The following OLFML2B variants were observed in gnomAD, a reference collection of about 807,000 sequenced individuals.
The protein encoded by OLFML2B is olfactomedin-like protein 2B.
A neutral mutation model predicts 74.9 loss-of-function variants in OLFML2B; 57 were observed. That is an observed-to-expected ratio of 0.76 (90% CI 0.61 to 0.95). The LOEUF is 0.95. Ranked by LOEUF, OLFML2B falls within the 40% of genes least tolerant of loss-of-function variation. OLFML2B has a pLI of 0.00. For synonymous variants in OLFML2B, 388 were observed against 405.8 expected, an observed-to-expected ratio of 0.96 and a Z score of 0.53; for missense variants, 986 against 970.6, an observed-to-expected ratio of 1.02 and a Z score of -0.21.
At chr1:161,994,547 C>T (rs865970895) in intron 6 of OLFML2B, among the ~76,000 whole-genome samples, 1 of 152,208 alleles carries the variant, frequency 6.6e-6, no homozygotes, top group South Asian at 2.1e-4. Flanking sequence ...ATTGTAGTTG[C>T]TAAAGTCTGG....
intron 3 of OLFML2B, among the ~76,000 whole-genome samples, chr1:162,008,681 C>A (rs1175491171): frequency 6.6e-6 from 1 of 152,222 alleles, no homozygotes; most frequent in Non-Finnish European, 1.5e-5. Flanking sequence ...CTTGTTAAAA[C>A]TGCAGATTCC....
chr1:161,984,315 T>C (rs530834345), intron 7 of OLFML2B, 39 bp from the exon 8 acceptor site: 1 of 1,511,274 alleles, frequency 6.6e-7, no homozygotes, highest in African/African-American at 1.4e-5. Flanking sequence ...CAGAGTGGCA[T>C]GGCAGAGGGT....
intron 7 of OLFML2B, among the ~76,000 whole-genome samples, chr1:161,984,595 A>G (rs56084426): frequency 0.21 from 31,652 of 151,988 alleles, 3,496 homozygotes; most frequent in African/African-American, 0.24. Flanking sequence ...TCCATGTCCC[A>G]GGAGCTCAGG....
intron 3 of OLFML2B, 150 bp from the exon 4 acceptor site, chr1:162,006,623 C>T: frequency 1.7e-6 from 1 of 594,038 alleles, no homozygotes; most frequent in Non-Finnish European, 2.8e-6. Flanking sequence ...GTGTGCCCAG[C>T]CCTGGGCTGA....
At chr1:161,987,656 G>C (rs1274780107) in intron 6 of OLFML2B, among the ~76,000 whole-genome samples, 3 of 152,222 alleles carry the variant, frequency 2.0e-5, no homozygotes, top group Non-Finnish European at 2.9e-5. Flanking sequence ...AGAACTGTTA[G>C]AGAGTACATT....
intron 3 of OLFML2B, among the ~76,000 whole-genome samples, chr1:162,009,665 T>TA (rs1481512739): frequency 6.6e-6 from 1 of 152,172 alleles, no homozygotes. Flanking sequence ...GCCGCCTGAA[T>TA]AAACAAGAGG....
intron 1 of OLFML2B, among the ~76,000 whole-genome samples, chr1:162,022,174 A>G (rs1690720680): frequency 6.6e-6 from 1 of 151,762 alleles, no homozygotes; most frequent in Non-Finnish European, 1.5e-5. Context: ...TCCAGAGAGA[A>G]CTACCCCTTA....
chr1:161,998,239 G>C lies in OLFML2B; in HGVS notation c.1060C>G (p.Gln354Glu). ...CTTGTCACAGCAGTGCTGTGTCCCT[G>C]ACGGGTGGCTGCAGGCCTCCGGGTG... ...SVTRRPAATRQGHSTAVTSDL... is the reference protein window; with the variant it reads ...SVTRRPAATREGHSTAVTSDL... The change falls in exon 6 of 8, where the codon CAG (glutamine) becomes GAG (glutamate). Residue 354 changes from glutamine (Q) to glutamate (E), a missense_variant. Gln to Glu is a conservative substitution (Grantham distance 29). Transcript: ENST00000294794. 10 of 1,612,428 alleles carry C rather than the reference G, an allele frequency of 6.2e-6. No homozygotes were observed. The highest frequency in any genetic ancestry group is 8.5e-6 in the Non-Finnish European group (10 of 1,178,646).
intron 3 of OLFML2B, 49 bp downstream of exon 3, chr1:162,017,351 C>G (rs78719065): frequency 1.4e-6 from 2 of 1,428,904 alleles, no homozygotes; most frequent in East Asian, 4.6e-5. Flanking sequence ...GTTTGATATG[C>G]TTTTGGGCTC....
chr1:162,002,961 A>G (rs1049710656), intron 4 of OLFML2B, among the ~76,000 whole-genome samples: 1 of 152,268 alleles, frequency 6.6e-6, no homozygotes, highest in Admixed American at 6.5e-5. Flanking sequence ...GGGAAGGTAG[A>G]TACCATTATC....
chr1:162,010,718 T>C (rs1051188721), intron 3 of OLFML2B, among the ~76,000 whole-genome samples: 1 of 152,038 alleles, frequency 6.6e-6, no homozygotes, highest in Admixed American at 6.5e-5. Flanking sequence ...GTCTCGTTTT[T>C]ACAAATAGAA....
Position 162,017,486 on chromosome 1 carries a change from A to G in OLFML2B, c.460T>C (p.Leu154=). ...DLKLSTIIDM[L]EGAFYGLDLL... is the part of the protein sequence containing the mutation. ...TCCAGGCCATAGAACGCTCCTTCCA[A>G]CATGTCTATGATTGTGGAGAGCTAT... Residue 154 remains leucine, a synonymous_variant, in exon 3 of 8, where the codon TTG becomes CTG. Coordinates refer to ENST00000294794, the MANE Select transcript of OLFML2B (RefSeq NM_015441.3). 2 of 1,613,136 alleles carry G rather than the reference A, an allele frequency of 1.2e-6. No individual in the cohort carries two copies. The highest frequency in any genetic ancestry group is 1.7e-6 in the Non-Finnish European group (2 of 1,179,646).
At chr1:162,010,736 C>G (rs1221144673) in intron 3 of OLFML2B, among the ~76,000 whole-genome samples, 2 of 151,864 alleles carry the variant, frequency 1.3e-5, no homozygotes, top group African/African-American at 4.8e-5. Flanking sequence ...GAACCAGGGA[C>G]AGGGGTGTGG....
At chr1:162,005,785 G>T (rs1690208029) in intron 4 of OLFML2B, among the ~76,000 whole-genome samples, 1 of 151,538 alleles carries the variant, frequency 6.6e-6, no homozygotes, top group Non-Finnish European at 1.5e-5. Flanking sequence ...TGTGCCTGTA[G>T]TCCTAGCTAA....
intron 6 of OLFML2B, 121 bp from the exon 7 acceptor site, chr1:161,985,101 A>G: frequency 1.1e-6 from 1 of 948,642 alleles, no homozygotes; most frequent in Non-Finnish European, 1.5e-6. Context: ...GCCCTGTATA[A>G]CCTGACCCCA....
Position 161,984,161 on chromosome 1 carries a change from G to T in OLFML2B, c.1767C>A (p.Asp589Glu). 6.2e-7 allele frequency: 1 copy of T among 1,608,872 alleles called. No individual in the cohort carries two copies. Among genetic ancestry groups the T allele is most frequent in the Non-Finnish European group, 8.5e-7 (1 of 1,177,302 alleles). ...AGGCAGCCACGTAGCGCTGCTTCAG[G>T]TCGTACTTGATGATGTTGCGGGTGA... ...RAFTRNIIKYDLKQRYVAAWA... is the reference protein window; with the variant it reads ...RAFTRNIIKYELKQRYVAAWA... The change falls in exon 8 of 8, where the codon GAC becomes GAA. Residue 589 changes from aspartate to glutamate, a missense_variant. By Grantham distance (45) the Asp-to-Glu change is conservative (BLOSUM62 2). Coordinates refer to ENST00000294794, the MANE Select transcript of OLFML2B (RefSeq NM_015441.3).
intron 3 of OLFML2B, among the ~76,000 whole-genome samples, chr1:162,009,636 G>C (rs1690318974): frequency 1.3e-5 from 2 of 152,220 alleles, no homozygotes; most frequent in Non-Finnish European, 2.9e-5. Flanking sequence ...TCCCCTCACG[G>C]GAATGGCAAA....
chr1:161,984,426 C>T, intron 7 of OLFML2B, 150 bp from the exon 8 acceptor site: 1 of 1,032,174 alleles, frequency 9.7e-7, no homozygotes, highest in East Asian at 2.6e-5. Flanking sequence ...TAGCACATCA[C>T]TCAACCTGTC....
intron 7 of OLFML2B, 128 bp downstream of exon 7, chr1:161,984,676 C>T (rs545270947): frequency 7.1e-6 from 7 of 990,156 alleles, no homozygotes; most frequent in South Asian, 1.5e-5. Flanking sequence ...AAGGAAAGGT[C>T]CTTTAGCCAT....
Sources: gnomAD v4.1 joint callset for allele counts (sites outside exome capture counted in the v4.1 genomes callset) on GRCh38, gnomAD v4.1.1 for gene constraint, MANE v1.5 for transcripts, NCBI Gene and HGNC (gene_info 2026-07-23, HGNC 2026-07-21) for gene names.